The following MGAM variants were observed in gnomAD, a reference collection of about 807,000 sequenced individuals.
MGAM encodes maltase-glucoamylase.
A neutral mutation model predicts 358.8 loss-of-function variants in MGAM; 253 were observed. The observed-to-expected ratio is 0.71, with a 90% confidence interval of 0.64 to 0.78. MGAM has a LOEUF of 0.78. MGAM is among the 30% of genes least tolerant of loss of function. MGAM has a pLI of 0.00. For synonymous variants in MGAM, 1,105 were observed against 1,227.1 expected (o/e 0.90, Z 2.08); for missense variants, 3,080 against 3,432.6 (o/e 0.90, Z 2.57).
intron 13 of MGAM, among the ~76,000 whole-genome samples, chr7:142,032,396 G>C (rs1554464102): frequency 6.6e-6 from 1 of 152,030 alleles, no homozygotes; most frequent in African/African-American, 2.4e-5. Flanking sequence ...AGCAACTAAA[G>C]ACATTTATTA....
chr7:142,011,700 A>C (rs1448823211), intron 3 of MGAM, among the ~76,000 whole-genome samples: 1 of 152,196 alleles, frequency 6.6e-6, no homozygotes, highest in Admixed American at 6.5e-5. Flanking sequence ...CGTTCGATTA[A>C]ATGACTATTG....
In MGAM at chr7:142,063,508, G is replaced by A; in HGVS notation, c.4267G>A (p.Glu1423Lys). Residue 1423 changes from glutamate (E) to lysine (K), a missense_variant, in exon 36 of 71, where the codon GAA (glutamate) becomes AAA (lysine). Transcript: ENST00000475668. ...TGTTTGGCATTTCTAGGATATGAAT[G>A]AACCATCAAGCTTCGTGAATGGGGC... ...KFDGMWIDMNEPSSFVNGAVS... is the reference protein window; with the variant it reads ...KFDGMWIDMNKPSSFVNGAVS... 6.2e-7 allele frequency: 1 copy of A among 1,613,544 alleles called. No homozygotes were observed. The highest frequency in any genetic ancestry group is 8.5e-7 in the Non-Finnish European group (1 of 1,179,700).
intron 21 of MGAM, among the ~76,000 whole-genome samples, chr7:142,043,687 AAT>A (rs1809430871): frequency 7.3e-6 from 1 of 137,682 alleles, no homozygotes; most frequent in Non-Finnish European, 1.5e-5. Context: ...TATACTATCT[AAT>A]ATATAATACA....
intron 20 of MGAM, 50 bp downstream of exon 20, chr7:142,040,221 G>A: frequency 7.3e-7 from 1 of 1,369,008 alleles, no homozygotes; most frequent in South Asian, 1.2e-5. Flanking sequence ...AGCTGCAGCT[G>A]CATAGACAAG....
At chr7:142,102,590 C>T (rs1307872152) in intron 68 of MGAM, 40 bp from the exon 69 acceptor site, 1 of 1,587,658 alleles carries the variant, frequency 6.3e-7, no homozygotes, top group South Asian at 1.1e-5. Flanking sequence ...AGTTCTACAG[C>T]ACAGGTCCAG....
chr7:142,042,804 T>C (rs1487233116), intron 21 of MGAM, among the ~76,000 whole-genome samples: 5 of 72,164 alleles, frequency 6.9e-5, no homozygotes, highest in Non-Finnish European at 1.2e-4. Context: ...ACATATAATA[T>C]CTAAATATAA....
At chr7:142,029,260 T>A (rs1223205744) in intron 10 of MGAM, among the ~76,000 whole-genome samples, 1 of 152,042 alleles carries the variant, frequency 6.6e-6, no homozygotes, top group Non-Finnish European at 1.5e-5. Flanking sequence ...TTCGGGAAGC[T>A]GAGACATGAG....
intron 70 of MGAM, among the ~76,000 whole-genome samples, chr7:142,104,838 T>A (rs150790472): frequency 2.0e-5 from 3 of 152,310 alleles, no homozygotes; most frequent in African/African-American, 7.2e-5. Context: ...ATCATCCCGA[T>A]GGTAAATGAA....
intron 57 of MGAM, among the ~76,000 whole-genome samples, chr7:142,089,567 C>T (rs1815164876): frequency 6.8e-6 from 1 of 146,064 alleles, no homozygotes. Context: ...CTTTGGGAGG[C>T]TGATCACGAG....
chr7:142,082,635 A>C (rs1354801178), intron 52 of MGAM, 64 bp downstream of exon 52: 1 of 1,261,116 alleles, frequency 7.9e-7, no homozygotes, highest in African/African-American at 1.4e-5. Context: ...TCAGTTTAGA[A>C]TGTGTTTAGC....
rs1477470231 is a variant in MGAM at position 142,068,820 on chromosome 7, A to G, written c.5061+117A>G. 4 of 895,864 alleles carry G rather than the reference A, an allele frequency of 4.5e-6. 1 individual carries two copies. The highest frequency in any genetic ancestry group is 7.0e-6 in the Non-Finnish European group (4 of 574,342). The allele number at this position is 895,864 out of a possible 1,614,324, so 55.5% of individuals were successfully genotyped here. ...TGTAACCCACCTGCTGTGTGGTCTT[A>G]GAGAAGCCACTTTAACCCTTGTAAT... is the stretch of plus-strand genomic sequence containing the variant. On this transcript the variant is annotated intron_variant, in intron 43 of 70. Coordinates refer to ENST00000475668, the MANE Select transcript of MGAM (RefSeq NM_001365693.1).
intron 7 of MGAM, among the ~76,000 whole-genome samples, chr7:142,022,923 G>A (rs776421257): frequency 6.6e-6 from 1 of 152,194 alleles, no homozygotes. Flanking sequence ...AAGAATGATT[G>A]TGGTAGTGAA....
chr7:142,025,351 T>A (rs1358151495), intron 8 of MGAM, among the ~76,000 whole-genome samples: 1 of 152,218 alleles, frequency 6.6e-6, no homozygotes, highest in Non-Finnish European at 1.5e-5. Context: ...TTCTCCAACT[T>A]ATGATTTTCC....
chr7:142,047,186 C>G (rs1428810078), intron 21 of MGAM, among the ~76,000 whole-genome samples: 1 of 152,122 alleles, frequency 6.6e-6, no homozygotes, highest in African/African-American at 2.4e-5. Flanking sequence ...CCCTCTTCCT[C>G]TCTGTCCATC....
Position 142,100,897 on chromosome 7 carries a change from A to G in MGAM, c.7963+7A>G. ...GATGATGGGCAAAGCATTGGTGAGT[A>G]GAGGTTGCCTGAGATTCATGCTGAT... is the stretch of plus-strand genomic sequence containing the variant. On this transcript the variant is annotated splice_region_variant and intron_variant, in intron 68 of 70. Coordinates refer to ENST00000475668, the MANE Select transcript of MGAM (RefSeq NM_001365693.1). The G allele has an allele frequency of 6.2e-7, 1 of 1,611,696 alleles. No individual in the cohort carries two copies. Among genetic ancestry groups the G allele is most frequent in the Non-Finnish European group, 8.5e-7 (1 of 1,178,852 alleles).
At position 142,021,608 on chromosome 7, in the gene MGAM, G is replaced by T; in HGVS notation, c.581G>T (p.Arg194Met). 1 of 1,613,860 alleles carries T rather than the reference G, an allele frequency of 6.2e-7. No homozygotes were observed. The highest frequency in any genetic ancestry group is 8.5e-7 in the Non-Finnish European group (1 of 1,179,814). Residue 194 changes from arginine to methionine, a missense_variant, in exon 6 of 71, where the codon AGG (arginine) becomes ATG (methionine). Transcript: ENST00000475668. Reference protein sequence around the residue: ...HFKLTDQTNNRFEVPHEHVQS... With the variant: ...HFKLTDQTNNMFEVPHEHVQS... ...CAGTTGACTGACCAAACCAATAACAGGTTTGAAGTGCCCCACGAACACGTG... is the reference window on the plus strand; with the variant it reads ...CAGTTGACTGACCAAACCAATAACATGTTTGAAGTGCCCCACGAACACGTG...
chr7:142,076,179 G>C (rs995658740), intron 45 of MGAM, 24 bp from the exon 46 acceptor site: 1 of 1,528,850 alleles, frequency 6.5e-7, no homozygotes, highest in African/African-American at 1.3e-5. Flanking sequence ...GCCGGAGTCT[G>C]ACTTGTCTTT....
In MGAM at chr7:142,106,692, TA is replaced by T. The variant is rs1816878861; in HGVS notation, c.*806del. 6.6e-6 allele frequency: 1 copy of T among 152,228 alleles called. No individual in the cohort carries two copies. Among genetic ancestry groups the T allele is most frequent in the African/African-American group, 2.4e-5 (1 of 41,468 alleles). 9.4% of individuals were successfully genotyped at this position (152,228 alleles called of 1,614,324 possible). A position where few individuals can be genotyped will look rare whatever the true frequency, so the allele number is the denominator to read the frequency against. ...CTAATGTATACAACCACATTTCACA[TA>T]AAAATATGCAATTTATATGCCAGAT... On this transcript the variant is annotated 3_prime_UTR_variant, in exon 71 of 71. Transcript: ENST00000475668.
intron 21 of MGAM, among the ~76,000 whole-genome samples, chr7:142,045,218 TATATAA>T (rs1563156929): frequency 0.078 from 424 of 5,412 alleles, 12 homozygotes; most frequent in African/African-American, 0.14. Flanking sequence ...AACATATATG[TATATAA>T]TATATATTAT....
Sources: allele counts gnomAD v4.1 joint callset (sites outside exome capture counted in the v4.1 genomes callset), GRCh38; gene constraint gnomAD v4.1.1; transcripts MANE v1.5; gene names NCBI Gene and HGNC (gene_info 2026-07-23, HGNC 2026-07-21).